The following NKAIN2 variants were observed in gnomAD, a reference collection of about 807,000 sequenced individuals.
NKAIN2 encodes sodium/potassium-transporting ATPase subunit beta-1-interacting protein 2.
A neutral mutation model predicts 32.6 loss-of-function variants in NKAIN2; 14 were observed. The observed-to-expected ratio is 0.43, with a 90% CI of 0.28 to 0.67. The LOEUF (loss-of-function observed/expected upper bound fraction) is 0.67, where lower values mean the gene tolerates loss of function less well. Ranked by LOEUF, NKAIN2 falls within the 30% of genes least tolerant of loss-of-function variation. The probability of loss-of-function intolerance (pLI) is 0.17; values close to 1 mark genes in which losing one functional copy is unlikely to be tolerated. For missense variants in NKAIN2, 198 were observed against 258.3 expected, an observed-to-expected ratio of 0.77 and a Z score of 1.60; for synonymous variants, 80 against 87.2, an observed-to-expected ratio of 0.92 and a Z score of 0.46.
chr6:124,692,864 C>A (rs1057513880), intron 4 of NKAIN2, among the ~76,000 whole-genome samples: 2 of 152,028 alleles, frequency 1.3e-5, no homozygotes, highest in African/African-American at 4.8e-5. Flanking sequence ...TTATGTGATG[C>A]CAGCTCCAGT....
intron 3 of NKAIN2, among the ~76,000 whole-genome samples, chr6:124,430,978 G>T (rs1775194286): frequency 6.6e-6 from 1 of 152,158 alleles, no homozygotes; most frequent in African/African-American, 2.4e-5. Flanking sequence ...CTCATGTCTT[G>T]CTAATATGCA....
At chr6:124,429,803 G>T (rs542921321) in intron 3 of NKAIN2, among the ~76,000 whole-genome samples, 1 of 152,144 alleles carries the variant, frequency 6.6e-6, no homozygotes, top group Non-Finnish European at 1.5e-5. Flanking sequence ...TCCCCTTGCT[G>T]CCAGGTCTTT....
At chr6:124,324,023 C>T (rs1797315039) in intron 2 of NKAIN2, among the ~76,000 whole-genome samples, 2 of 152,068 alleles carry the variant, frequency 1.3e-5, no homozygotes, top group South Asian at 2.1e-4. Flanking sequence ...GATCTCCTGA[C>T]CTCGTGATCC....
intron 4 of NKAIN2, among the ~76,000 whole-genome samples, chr6:124,695,030 CTCCTCT>C (rs1383701202): frequency 3.9e-5 from 6 of 152,060 alleles, no homozygotes; most frequent in African/African-American, 7.2e-5. Context: ...CTTAAACCAT[CTCCTCT>C]TCCTCTTCCT....
chr6:124,340,257 C>A (rs1389974260), intron 2 of NKAIN2, among the ~76,000 whole-genome samples: 5 of 152,082 alleles, frequency 3.3e-5, no homozygotes, highest in African/African-American at 1.2e-4. Flanking sequence ...TATTATTCAT[C>A]ATTTTGAGAT....
chr6:124,230,847 T>G (rs533797989), intron 1 of NKAIN2, among the ~76,000 whole-genome samples: 3 of 152,120 alleles, frequency 2.0e-5, no homozygotes, highest in Non-Finnish European at 4.4e-5. Context: ...TCTAGGGCAG[T>G]GTAGAAGGGA....
chr6:124,504,355 T>A, intron 3 of NKAIN2, among the ~76,000 whole-genome samples: 1 of 152,202 alleles, frequency 6.6e-6, no homozygotes, highest in East Asian at 1.9e-4. Flanking sequence ...TTTGTTCTTC[T>A]TTTCCACACT....
rs1401608613 is a variant in NKAIN2 at position 124,575,757 on chromosome 6, G to C, written c.274-82429G>C. 2.6e-5 allele frequency among the ~76,000 whole-genome samples: 4 copies of C among 152,008 alleles called. No individual in the cohort carries two copies. In the East Asian group the frequency reaches 7.7e-4, roughly 29 times the overall value. On this transcript the variant is annotated intron_variant, in intron 3 of 6. Coordinates refer to ENST00000368417, the MANE Select transcript of NKAIN2 (RefSeq NM_001040214.3). The stretch of plus-strand genomic sequence containing the variant: ...GAAATGAAGCTCCAGGTGATGTTTT[G>C]AAAGCTAGTACTGCTTCTCTCTTAA...
intron 4 of NKAIN2, among the ~76,000 whole-genome samples, chr6:124,688,260 G>T (rs949843537): frequency 6.6e-6 from 1 of 151,978 alleles, no homozygotes; most frequent in South Asian, 2.1e-4. Flanking sequence ...CTTGAAATCT[G>T]AATGTATCTT....
chr6:124,273,066 T>G (rs1334489043), intron 1 of NKAIN2, among the ~76,000 whole-genome samples: 1 of 152,214 alleles, frequency 6.6e-6, no homozygotes, highest in African/African-American at 2.4e-5. Flanking sequence ...GATTTTAGAC[T>G]TGGACTTTTG....
At chr6:124,787,077 T>TGCCAAGCACCAA (rs1405436254) in intron 4 of NKAIN2, among the ~76,000 whole-genome samples, 41 of 152,184 alleles carry the variant, frequency 2.7e-4, no homozygotes, top group African/African-American at 9.9e-4. Context: ...CCTCTCAAGG[T>TGCCAAGCACCAA]CTATCTCAAA....
chr6:124,392,316 C>T (rs59979014), intron 3 of NKAIN2, among the ~76,000 whole-genome samples: 66 of 152,132 alleles, frequency 4.3e-4, no homozygotes, highest in African/African-American at 1.5e-3. Flanking sequence ...CATGCTATGG[C>T]CATAGTAAGT....
chr6:124,355,245 T>C, intron 2 of NKAIN2, 22 bp from the exon 3 acceptor site: 2 of 1,500,132 alleles, frequency 1.3e-6, no homozygotes, highest in Non-Finnish European at 1.9e-6. Flanking sequence ...TTATACGTTA[T>C]TTCTCTCTTG....
At chr6:124,674,639 T>A (rs978271002) in intron 4 of NKAIN2, among the ~76,000 whole-genome samples, 6 of 152,026 alleles carry the variant, frequency 3.9e-5, no homozygotes, top group African/African-American at 1.4e-4. Context: ...GAGATTTTCT[T>A]AATTTCTTTT....
intron 2 of NKAIN2, among the ~76,000 whole-genome samples, chr6:124,349,448 A>T (rs2115121018): frequency 6.6e-6 from 1 of 152,220 alleles, no homozygotes; most frequent in East Asian, 1.9e-4. Context: ...AGCTGATACT[A>T]GTTTTGCATC....
intron 3 of NKAIN2, among the ~76,000 whole-genome samples, chr6:124,555,525 C>T (rs754430601): frequency 2.6e-5 from 4 of 152,008 alleles, no homozygotes; most frequent in Non-Finnish European, 5.9e-5. Context: ...ATCATGTTCC[C>T]TTATGTTCCC....
At chr6:124,577,316 C>T (rs2114931723) in intron 3 of NKAIN2, among the ~76,000 whole-genome samples, 1 of 152,254 alleles carries the variant, frequency 6.6e-6, no homozygotes, top group Admixed American at 6.5e-5. Context: ...AAAGGAAAGA[C>T]AGTCTTGAAT....
At chr6:124,780,689 C>G (rs1195084254) in intron 4 of NKAIN2, among the ~76,000 whole-genome samples, 1 of 152,178 alleles carries the variant, frequency 6.6e-6, no homozygotes, top group African/African-American at 2.4e-5. Context: ...TTTAGATTTT[C>G]AAGCTCTTAG....
intron 4 of NKAIN2, among the ~76,000 whole-genome samples, chr6:124,697,720 C>G (rs1774569091): frequency 6.6e-6 from 1 of 152,098 alleles, no homozygotes; most frequent in Non-Finnish European, 1.5e-5. Flanking sequence ...TTTATTATTC[C>G]TATAAAGCAA....
Sources: gnomAD v4.1 joint callset for allele counts (sites outside exome capture counted in the v4.1 genomes callset) on GRCh38, gnomAD v4.1.1 for gene constraint, MANE v1.5 for transcripts, NCBI Gene and HGNC (gene_info 2026-07-23, HGNC 2026-07-21) for gene names.